Variants in MCM4 observed in about 807,000 individuals in gnomAD.
MCM4 encodes minichromosome maintenance complex component 4.
Under a neutral mutation model 88.7 loss-of-function variants are expected in MCM4, and 60 were observed. That is an observed-to-expected ratio of 0.68 (90% CI 0.55 to 0.84). The LOEUF (loss-of-function observed/expected upper bound fraction) is 0.84. MCM4 is among the 40% of genes least tolerant of loss of function. The pLI is 0.00. For missense variants in MCM4, 1,149 were observed against 1,105.5 expected (o/e 1.04, Z -0.56); for synonymous variants, 465 against 410.5 (o/e 1.13, Z -1.61).
chr8:47,970,045 A>G lies in MCM4; in HGVS notation c.1422A>G (p.Glu474=), dbSNP rs2090937827. 3 of 1,613,658 alleles carry G rather than the reference A, an allele frequency of 1.9e-6. No homozygotes were observed. The South Asian group carries it at 3.3e-5, about 18-fold the overall frequency. ...SALAPSIYEH[E]DIKKGILLQL... is the part of the protein sequence containing the mutation. Reference sequence around the variant, plus strand: ...TGGCTCCAAGCATTTATGAACATGAAGATATAAAGAAGGTAACAGTGGATT... The same window carrying G: ...TGGCTCCAAGCATTTATGAACATGAGGATATAAAGAAGGTAACAGTGGATT... Residue 474 remains glutamate, a synonymous_variant, in exon 11 of 17, where the codon GAA becomes GAG. Coordinates refer to ENST00000649973, the MANE Select transcript of MCM4 (RefSeq NM_182746.3).
In MCM4 at chr8:47,961,538, AT is replaced by A. The variant is rs1221502831; in HGVS notation, c.94del (p.Ser32LeufsTer59). The A allele has an allele frequency of 2.5e-6, 4 of 1,613,994 alleles. No homozygotes were observed. Among genetic ancestry groups the A allele is most frequent in the Non-Finnish European group, 3.4e-6 (4 of 1,180,044 alleles). On this transcript the variant is annotated frameshift_variant, in exon 3 of 17. Coordinates refer to ENST00000649973, the MANE Select transcript of MCM4 (RefSeq NM_182746.3). LOFTEE classifies it high-confidence loss of function. ...QTPRSEDARS[S>X]PSQRRRGEDS... ...AAGCTCGGAGTGAGGATGCCAGGTC[AT>A]CTCCCTCTCAGAGACGTAGAGGCGA...
At chr8:47,975,142 TATTG>T (rs1178266411) in intron 15 of MCM4, among the ~76,000 whole-genome samples, 180 bp downstream of exon 15, 6 of 152,088 alleles carry the variant, frequency 3.9e-5, no homozygotes, top group African/African-American at 7.2e-5. Context: ...TTGATAAAAA[TATTG>T]ATTAACACAC....
At chr8:47,964,979 G>A (rs1331016484) in intron 8 of MCM4, among the ~76,000 whole-genome samples, 1 of 152,174 alleles carries the variant, frequency 6.6e-6, no homozygotes, top group Non-Finnish European at 1.5e-5. Context: ...ACTTCAGGAG[G>A]CCGAGGCAGG....
intron 5 of MCM4, 68 bp downstream of exon 5, chr8:47,962,474 A>G (rs1299017999): frequency 6.0e-6 from 9 of 1,488,836 alleles, no homozygotes; most frequent in Admixed American, 1.7e-5. Flanking sequence ...TTTATAATCT[A>G]TATCTAAGTA....
chr8:47,973,536 A>T (rs187222545), intron 14 of MCM4, among the ~76,000 whole-genome samples: 1 of 149,142 alleles, frequency 6.7e-6, no homozygotes. Context: ...TGTGTCCCCC[A>T]GGCTGGACTG....
intron 8 of MCM4, among the ~76,000 whole-genome samples, chr8:47,965,085 C>T (rs375472960): frequency 3.6e-4 from 55 of 152,146 alleles, no homozygotes; most frequent in African/African-American, 1.3e-3. Flanking sequence ...TGGTGGCACA[C>T]GCCTGTAGTC....
Position 47,969,845 on chromosome 8 carries a change from G to T in MCM4, c.1222G>T (p.Val408Leu). 6.2e-7 allele frequency: 1 copy of T among 1,614,252 alleles called. No homozygotes were observed. Among genetic ancestry groups the T allele is most frequent in the Non-Finnish European group, 8.5e-7 (1 of 1,180,048 alleles). ...PIRVNPRVSN[V>L]KSVYKTHIDV... is the part of the protein sequence containing the mutation. ...TCGAGTCAATCCAAGAGTGAGTAAT[G>T]TGAAGTCTGTCTACAAAACCCACAT... is the stretch of plus-strand genomic sequence containing the variant. Residue 408 changes from valine (V) to leucine (L), a missense_variant, in exon 11 of 17, where the codon GTG becomes TTG. Around this residue, in one of 3 missense-constraint regions of MCM4, gnomAD observed 906 missense variants for 843.0 expected, o/e 1.07. Transcript: ENST00000649973.
chr8:47,966,184 C>T lies in MCM4; in HGVS notation c.833-3C>T, dbSNP rs1563832371. On this transcript the variant is annotated splice_polypyrimidine_tract_variant and splice_region_variant and intron_variant, in intron 8 of 16. Transcript: ENST00000649973. Reference sequence around the variant, plus strand: ...TGTGCTGACCTCTCTTCTCCCCTCACAGACATTGACCAGCTCATCACCATC... The same window carrying T: ...TGTGCTGACCTCTCTTCTCCCCTCATAGACATTGACCAGCTCATCACCATC... 1 of 1,613,320 alleles carries T rather than the reference C, an allele frequency of 6.2e-7. No individual in the cohort carries two copies.
chr8:47,970,458 T>C, intron 11 of MCM4, 53 bp from the exon 12 acceptor site: 1 of 1,530,374 alleles, frequency 6.5e-7, no homozygotes, highest in South Asian at 1.3e-5. Context: ...TTAAACTACA[T>C]CTCAGTTAAC....
chr8:47,975,900 A>C (rs1178148044), intron 16 of MCM4, 52 bp downstream of exon 16: 2 of 1,348,144 alleles, frequency 1.5e-6, no homozygotes, highest in African/African-American at 3.0e-5. Flanking sequence ...TTTTTCCTTA[A>C]TATTGCTTTT....
Position 47,961,548 on chromosome 8 carries a change from CAG to C in MCM4, c.107_108del (p.Arg36ThrfsTer2). On this transcript the variant is annotated frameshift_variant, in exon 3 of 17. Coordinates refer to ENST00000649973, the MANE Select transcript of MCM4 (RefSeq NM_182746.3). LOFTEE classifies it high-confidence loss of function. ...RSEDARSSPS[Q>X]RRRGEDSTST... is the part of the protein sequence containing the mutation. ...TGAGGATGCCAGGTCATCTCCCTCT[CAG>C]AGACGTAGAGGCGAGGATTCCACCT... is the stretch of plus-strand genomic sequence containing the variant. 6.2e-7 allele frequency: 1 copy of C among 1,614,174 alleles called. No individual in the cohort carries two copies. Among genetic ancestry groups the C allele is most frequent in the East Asian group, 2.2e-5 (1 of 44,882 alleles).
At position 47,969,928 on chromosome 8, in the gene MCM4, A is replaced by C; in HGVS notation, c.1305A>C (p.Glu435Asp). The C allele has an allele frequency of 6.2e-7, 1 of 1,614,266 alleles. No individual in the cohort carries two copies. Among genetic ancestry groups the C allele is most frequent in the South Asian group, 1.1e-5 (1 of 91,088 alleles). Residue 435 changes from glutamate to aspartate, a missense_variant, in exon 11 of 17, where the codon GAA becomes GAC. Physicochemically the swap from Glu to Asp is conservative, Grantham distance 45 (BLOSUM62 2). Transcript: ENST00000649973. The stretch of plus-strand genomic sequence containing the variant: ...AACGTCTGCATGGCCTTGATGAAGA[A>C]GCAGAACAGAAACTTTTTTCAGAGA... ...DAKRLHGLDE[E>D]AEQKLFSEKR...
intron 16 of MCM4, among the ~76,000 whole-genome samples, chr8:47,976,393 G>A (rs1049459746): frequency 6.6e-6 from 1 of 152,164 alleles, no homozygotes; most frequent in Non-Finnish European, 1.5e-5. Context: ...AATAAGTAAG[G>A]TAGTTGTTTA....
rs1376302943 is a variant in MCM4, at chr8:47,966,181, TCA to T, written c.833-3_833-2del. ...AGGTGTGCTGACCTCTCTTCTCCCC[TCA>T]CAGACATTGACCAGCTCATCACCAT... On this transcript the variant is annotated splice_region_variant and splice_polypyrimidine_tract_variant and intron_variant, in intron 8 of 16. Transcript: ENST00000649973. The T allele has an allele frequency of 2.5e-6, 4 of 1,612,818 alleles. No individual in the cohort carries two copies. Among genetic ancestry groups the T allele is most frequent in the Non-Finnish European group, 3.4e-6 (4 of 1,179,314 alleles).
chr8:47,961,040 G>A, intron 1 of MCM4, 26 bp downstream of exon 1: 1 of 1,245,616 alleles, frequency 8.0e-7, no homozygotes, highest in Non-Finnish European at 1.1e-6. Context: ...CGGGGAGGGC[G>A]TGGCGCGGAG....
chr8:47,964,809 C>A, intron 8 of MCM4, 97 bp downstream of exon 8: 1 of 1,013,978 alleles, frequency 9.9e-7, no homozygotes, highest in Non-Finnish European at 1.4e-6. Flanking sequence ...AAGTAATTGG[C>A]GGTGGTAGTC....
rs776783201 is a variant in MCM4, at chr8:47,970,811, A to G, written c.1735A>G (p.Met579Val). 2 of 1,613,726 alleles carry G rather than the reference A, an allele frequency of 1.2e-6. No homozygotes were observed. The highest frequency in any genetic ancestry group is 3.3e-5 in the Admixed American group (2 of 60,016). ...CTGCTGTATCGATGAGTTCGACAAG[A>G]TGAATGAAAGTACAAGATCGGTATT... is the stretch of plus-strand genomic sequence containing the variant. ...GICCIDEFDK[M>V]NESTRSVLHE... Residue 579 changes from methionine to valine, a missense_variant, in exon 12 of 17, where the codon ATG becomes GTG. Transcript: ENST00000649973.
At position 47,972,956 on chromosome 8, in the gene MCM4, G is replaced by A. The variant is rs201340636; in HGVS notation, c.2028G>A (p.Gln676=). The change falls in exon 14 of 17, where the codon CAG becomes CAA. Residue 676 remains glutamine (Q), a synonymous_variant. Transcript: ENST00000649973. ...CACTGTACTACCAGAGCGAGGAGCA[G>A]GCAGAGGAGGAGCTCCTGGACATGG... ...LVALYYQSEE[Q]AEEELLDMAV... The A allele has an allele frequency of 1.1e-5, 18 of 1,614,228 alleles. No individual in the cohort carries two copies. In the Admixed American group the frequency reaches 2.8e-4, roughly 25 times the overall value.
In MCM4 at chr8:47,970,845, T is replaced by G; in HGVS notation, c.1769T>G (p.Val590Gly). The change falls in exon 12 of 17, where the codon GTC becomes GGC. Residue 590 changes from valine (V) to glycine (G), a missense_variant. Physicochemically the swap from Val to Gly is moderately radical, Grantham distance 109. Around this residue, in one of 3 missense-constraint regions of MCM4, gnomAD observed 906 missense variants for 843.0 expected, o/e 1.07. Transcript: ENST00000649973. ...NESTRSVLHE[V>G]MEQQTLSIAK... Reference sequence around the variant, plus strand: ...AGTACAAGATCGGTATTGCATGAAGTCATGGAACAGCAGACTCTGTCCATT... The same window carrying G: ...AGTACAAGATCGGTATTGCATGAAGGCATGGAACAGCAGACTCTGTCCATT... The G allele has an allele frequency of 6.2e-7, 1 of 1,606,200 alleles. No homozygotes were observed.
Sources: allele counts gnomAD v4.1 joint callset (sites outside exome capture counted in the v4.1 genomes callset), GRCh38; gene constraint gnomAD v4.1.1; regional missense constraint gnomAD v4.1.1; transcripts MANE v1.5; gene names NCBI Gene and HGNC (gene_info 2026-07-23, HGNC 2026-07-21).